The following CPNE2 variants were observed in gnomAD, a reference collection of about 807,000 sequenced individuals.
CPNE2 encodes copine-2.
In CPNE2, 42 loss-of-function variants were observed where a neutral mutation model predicts 69.7. The observed-to-expected ratio is 0.60, with a 90% confidence interval of 0.47 to 0.78. The LOEUF is 0.78. Ranked by LOEUF, CPNE2 falls within the 30% of genes least tolerant of loss-of-function variation. The probability of loss-of-function intolerance (pLI) is 0.00; values close to 1 mark genes in which losing one functional copy is unlikely to be tolerated. For synonymous variants in CPNE2, 294 were observed against 289.8 expected, an observed-to-expected ratio of 1.01 and a Z score of -0.15; for missense variants, 587 against 732.0, an observed-to-expected ratio of 0.80 and a Z score of 2.29.
chr16:57,096,935 C>T (rs1444145468), intron 1 of CPNE2, among the ~76,000 whole-genome samples: 1 of 152,016 alleles, frequency 6.6e-6, no homozygotes, highest in Non-Finnish European at 1.5e-5. Flanking sequence ...ACCACAGGGC[C>T]TTTACACATG....
chr16:57,117,508 G>A lies in CPNE2; in HGVS notation c.448G>A (p.Glu150Lys). 1.9e-6 allele frequency: 3 copies of A among 1,613,790 alleles called. No individual in the cohort carries two copies. Among genetic ancestry groups the A allele is most frequent in the Non-Finnish European group, 2.5e-6 (3 of 1,179,900 alleles). Residue 150 changes from glutamate to lysine, a missense_variant, in exon 5 of 16, where the codon GAG (glutamate) becomes AAG (lysine). Coordinates refer to ENST00000290776, the MANE Select transcript of CPNE2 (RefSeq NM_152727.6). ...GKGLITIAAQ[E>K]LSDNRVITLS... ...CCCGGCCTTACAGATCGCTGCCCAG[G>A]AGCTGTCCGACAACCGCGTCATCAC...
chr16:57,117,692 G>A (rs556789922), intron 5 of CPNE2, 125 bp downstream of exon 5: 10 of 1,089,586 alleles, frequency 9.2e-6, no homozygotes, highest in East Asian at 2.6e-5. Context: ...GGTCCAGCAC[G>A]GGGCCCTCCT....
chr16:57,124,132 A>C (rs1366149808), intron 10 of CPNE2: 1 of 198,868 alleles, frequency 5.0e-6, no homozygotes, highest in African/African-American at 2.4e-5. Flanking sequence ...CGTGGTCTAG[A>C]GTGCAGTGGC....
chr16:57,123,611 G>A lies in CPNE2; in HGVS notation c.927+138G>A, dbSNP rs2069779273. On this transcript the variant is annotated intron_variant, in intron 10 of 15. Coordinates refer to ENST00000290776, the MANE Select transcript of CPNE2 (RefSeq NM_152727.6). ...TTCCCTGGGGCAAAGAGTGTGTGCG[G>A]CCTAGTGAGGAGGGCATAAGTGGGC... The A allele has an allele frequency of 7.8e-6, 7 of 902,720 alleles. No individual in the cohort carries two copies. The East Asian group carries it at 1.6e-4, about 20-fold the overall frequency. 55.9% of individuals were successfully genotyped at this position (902,720 alleles called of 1,614,324 possible). A position where few individuals can be genotyped will look rare whatever the true frequency, so the allele number is the denominator to read the frequency against.
chr16:57,117,485 CG>C lies in CPNE2; in HGVS notation c.436-9del. On this transcript the variant is annotated splice_polypyrimidine_tract_variant and intron_variant, in intron 4 of 15. Coordinates refer to ENST00000290776, the MANE Select transcript of CPNE2 (RefSeq NM_152727.6). ...GGAGTCTGAGGAGCCCCTCATGTCC[CG>C]GCCTTACAGATCGCTGCCCAGGAGC... The C allele has an allele frequency of 6.2e-7, 1 of 1,612,246 alleles. No individual in the cohort carries two copies. Among genetic ancestry groups the C allele is most frequent in the Non-Finnish European group, 8.5e-7 (1 of 1,179,254 alleles).
intron 8 of CPNE2, 110 bp from the exon 9 acceptor site, chr16:57,121,564 A>G: frequency 9.5e-7 from 1 of 1,049,944 alleles, no homozygotes; most frequent in Non-Finnish European, 1.4e-6. Context: ...CCCTGGAGGA[A>G]GCATGCTGCC....
chr16:57,139,271 G>T lies in CPNE2; in HGVS notation c.1302+1989G>T, dbSNP rs2052206241. Among the ~76,000 whole-genome samples, 2 of 152,094 alleles carry T rather than the reference G, an allele frequency of 1.3e-5. 1 individual carries two copies. The highest frequency in any genetic ancestry group is 4.2e-4 in the South Asian group (2 of 4,816). On this transcript the variant is annotated intron_variant, in intron 14 of 15. Coordinates refer to ENST00000290776, the MANE Select transcript of CPNE2 (RefSeq NM_152727.6). ...GTTTTTCTTGCTGTCTTCTGTTCCT[G>T]GGTGCAATGGCAGAACTGACTGAGC... is the stretch of plus-strand genomic sequence containing the variant.
chr16:57,140,841 A>G (rs1421481201), intron 14 of CPNE2: 1 of 149,890 alleles, frequency 6.7e-6, no homozygotes, highest in Admixed American at 6.7e-5. Flanking sequence ...CTGGGATTAC[A>G]GACCTGAGCC....
At chr16:57,126,526 T>A (rs173897) in intron 11 of CPNE2, among the ~76,000 whole-genome samples, 76,822 of 151,934 alleles carry the variant, frequency 0.51, 20,084 homozygotes, top group Admixed American at 0.61. Context: ...GGAAAGTCAG[T>A]GAAGGGAAGC....
intron 5 of CPNE2, among the ~76,000 whole-genome samples, chr16:57,118,332 AT>A (rs61283121): frequency 0.083 from 11,345 of 136,534 alleles, 681 homozygotes; most frequent in East Asian, 0.2. Context: ...CGCCCAGCTA[AT>A]TTTTTTTTTT....
intron 11 of CPNE2, among the ~76,000 whole-genome samples, chr16:57,126,684 T>G (rs1362507134): frequency 6.6e-6 from 1 of 152,088 alleles, no homozygotes; most frequent in Admixed American, 6.6e-5. Context: ...TGCCAGAGAT[T>G]TGGCAGGAAA....
intron 11 of CPNE2, 116 bp from the exon 12 acceptor site, chr16:57,127,733 A>G: frequency 1.0e-6 from 1 of 993,392 alleles, no homozygotes. Flanking sequence ...AGAGGTGGTG[A>G]GCTCCTCCTT....
chr16:57,117,505 C>G lies in CPNE2; in HGVS notation c.445C>G (p.Gln149Glu). The G allele has an allele frequency of 6.2e-7, 1 of 1,613,760 alleles. No homozygotes were observed. Among genetic ancestry groups the G allele is most frequent in the South Asian group, 1.1e-5 (1 of 90,950 alleles). Residue 149 changes from glutamine (Q) to glutamate (E), a missense_variant, in exon 5 of 16, where the codon CAG becomes GAG. Gln to Glu is a conservative substitution (Grantham distance 29). Coordinates refer to ENST00000290776, the MANE Select transcript of CPNE2 (RefSeq NM_152727.6). The stretch of plus-strand genomic sequence containing the variant: ...TGTCCCGGCCTTACAGATCGCTGCC[C>G]AGGAGCTGTCCGACAACCGCGTCAT... ...AGKGLITIAA[Q>E]ELSDNRVITL...
intron 7 of CPNE2, among the ~76,000 whole-genome samples, chr16:57,120,041 G>A (rs1453100022): frequency 5.3e-5 from 8 of 152,184 alleles, no homozygotes; most frequent in African/African-American, 1.9e-4. Flanking sequence ...GGGAGGCTGA[G>A]GCAGGTGGGT....
rs13334474 is a variant in CPNE2, at chr16:57,113,362, C to T, written c.255C>T (p.Phe85=). The change falls in exon 3 of 16, where the codon TTC becomes TTT. Residue 85 remains phenylalanine, a synonymous_variant. Transcript: ENST00000290776. ...FSKKFVLDYH[F]EEVQKLKFAL... ...AGAAGTTCGTGCTTGACTACCACTT[C>T]GAGGAGGTACAGAAGCTCAAGTTCG... 17,235 of 1,614,188 alleles carry T rather than the reference C, an allele frequency of 0.011. 145 individuals are homozygous for T. The highest frequency in any genetic ancestry group is 0.063 in the Middle Eastern group (384 of 6,062).
intron 1 of CPNE2, among the ~76,000 whole-genome samples, chr16:57,098,826 GA>G (rs2069594918): frequency 6.6e-6 from 1 of 152,174 alleles, no homozygotes; most frequent in African/African-American, 2.4e-5. Flanking sequence ...AAGCTCCAGT[GA>G]GGGCGACGCT....
intron 10 of CPNE2, chr16:57,125,244 TTAA>T (rs1267693905): frequency 2.2e-6 from 1 of 455,584 alleles, no homozygotes; most frequent in South Asian, 1.5e-5. Flanking sequence ...CGAGTCCCTG[TTAA>T]TAAGCACCTG....
chr16:57,117,357 G>T, intron 4 of CPNE2, 139 bp from the exon 5 acceptor site: 2 of 757,312 alleles, frequency 2.6e-6, no homozygotes, highest in South Asian at 1.8e-5. Flanking sequence ...GAAGACAAGA[G>T]ATTTGTCCAA....
chr16:57,119,724 A>G, intron 7 of CPNE2, 74 bp downstream of exon 7: 1 of 1,019,998 alleles, frequency 9.8e-7, no homozygotes, highest in Non-Finnish European at 1.5e-6. Flanking sequence ...GCTCCCGGGG[A>G]TGCCTTGTAG....
Sources: gnomAD v4.1 joint callset for allele counts (sites outside exome capture counted in the v4.1 genomes callset) on GRCh38, gnomAD v4.1.1 for gene constraint, MANE v1.5 for transcripts, NCBI Gene and HGNC (gene_info 2026-07-23, HGNC 2026-07-21) for gene names.